TCF4: variants seen among roughly 807,000 people sequenced by gnomAD.
TCF4 encodes the protein transcription factor 4.
A neutral mutation model predicts 82.1 loss-of-function variants in TCF4; 3 were observed. The ratio of observed to expected loss-of-function variants is 0.04; its 90% CI spans 0.02 to 0.09. The LOEUF (loss-of-function observed/expected upper bound fraction) is 0.09, where lower values mean the gene tolerates loss of function less well. Ranked by LOEUF, TCF4 falls within the 10% of genes least tolerant of loss-of-function variation. TCF4 has a pLI of 1.00. For synonymous variants in TCF4, 276 were observed against 309.6 expected (o/e 0.89, Z 1.14); for missense variants, 518 against 852.7 (o/e 0.61, Z 4.89).
At position 55,387,816 on chromosome 18, in the gene TCF4, G is replaced by A. The variant is rs564521174; in HGVS notation, c.369+15638C>T. On this transcript the variant is annotated intron_variant, in intron 6 of 19. Coordinates refer to ENST00000354452, the MANE Select transcript of TCF4 (RefSeq NM_001083962.2). Reference sequence around the variant, plus strand: ...AGAAATTTCCTCAGGATGTGTTTCCGGCTGCTGCTGGCTATTACTTCATGG... The same window carrying A: ...AGAAATTTCCTCAGGATGTGTTTCCAGCTGCTGCTGGCTATTACTTCATGG... Among the ~76,000 whole-genome samples the A allele has an allele frequency of 1.9e-4, 29 of 152,286 alleles. 1 individual carries two copies. The highest frequency in any genetic ancestry group is 1.0e-3 in the South Asian group (5 of 4,830).
chr18:55,356,613 A>C (rs751568803), intron 6 of TCF4, among the ~76,000 whole-genome samples: 6 of 152,212 alleles, frequency 3.9e-5, no homozygotes, highest in Non-Finnish European at 8.8e-5. Context: ...AATTTCATAA[A>C]TCTTGTGATG....
intron 3 of TCF4, among the ~76,000 whole-genome samples, chr18:55,517,576 T>C (rs1417342513): frequency 6.6e-6 from 1 of 152,142 alleles, no homozygotes; most frequent in Non-Finnish European, 1.5e-5. Flanking sequence ...AAATATAAGC[T>C]AACAACATTT....
intron 5 of TCF4, among the ~76,000 whole-genome samples, chr18:55,456,521 C>T (rs1040891928): frequency 2.6e-5 from 4 of 152,132 alleles, no homozygotes; most frequent in Admixed American, 2.0e-4. Context: ...TTTTATGGGG[C>T]AACTTGCTCA....
intron 8 of TCF4, among the ~76,000 whole-genome samples, chr18:55,324,874 G>C (rs1333786813): frequency 1.3e-5 from 2 of 152,084 alleles, no homozygotes; most frequent in African/African-American, 4.8e-5. Flanking sequence ...AAACTGTCTA[G>C]AAGTGTTGAC....
chr18:55,535,602 G>A (rs1190867572), intron 3 of TCF4, among the ~76,000 whole-genome samples: 1 of 152,102 alleles, frequency 6.6e-6, no homozygotes, highest in Non-Finnish European at 1.5e-5. Context: ...TTGAGAAAAT[G>A]TGGCAATAAA....
intron 8 of TCF4, among the ~76,000 whole-genome samples, chr18:55,344,734 T>C (rs1043195050): frequency 7.2e-5 from 11 of 152,122 alleles, no homozygotes; most frequent in African/African-American, 2.7e-4. Context: ...CACCACTCCT[T>C]AGAAGAGATC....
At chr18:55,374,807 G>A (rs2090298582) in intron 6 of TCF4, among the ~76,000 whole-genome samples, 1 of 146,560 alleles carries the variant, frequency 6.8e-6, no homozygotes, top group African/African-American at 2.5e-5. Flanking sequence ...GGTAGAGACT[G>A]CAGTGAGCCA....
chr18:55,466,201 A>G (rs1220262993), intron 3 of TCF4, among the ~76,000 whole-genome samples: 3 of 152,174 alleles, frequency 2.0e-5, no homozygotes, highest in Admixed American at 1.3e-4. Flanking sequence ...TCTCCACAGT[A>G]AGAAATACCC....
At chr18:55,262,548 G>T (rs2058278777) in intron 11 of TCF4, among the ~76,000 whole-genome samples, 1 of 152,126 alleles carries the variant, frequency 6.6e-6, no homozygotes, top group African/African-American at 2.4e-5. Context: ...ATCACCCAAT[G>T]AATCCAAGCA....
At chr18:55,590,097 A>G (rs994145829), upstream of TCF4, among the ~76,000 whole-genome samples, 2 of 152,200 alleles carry the variant, frequency 1.3e-5, no homozygotes, top group Admixed American at 6.5e-5. Flanking sequence ...CTTTGACACA[A>G]AAGTGTAGTT....
chr18:55,515,589 A>G (rs1287970283), intron 3 of TCF4, among the ~76,000 whole-genome samples: 3 of 152,204 alleles, frequency 2.0e-5, no homozygotes, highest in Non-Finnish European at 2.9e-5. Flanking sequence ...GAGGTATAGA[A>G]GAAGGCTGTG....
chr18:55,401,530 T>C (rs2146435846), intron 6 of TCF4: 1 of 990,064 alleles, frequency 1.0e-6, no homozygotes, highest in African/African-American at 1.7e-5. Flanking sequence ...AGCCATCACA[T>C]GCCAATCCAT....
At chr18:55,591,910 C>T (rs2097685885), upstream of TCF4, among the ~76,000 whole-genome samples, 1 of 152,192 alleles carries the variant, frequency 6.6e-6, no homozygotes, top group African/African-American at 2.4e-5. Context: ...TTGCTAGTCT[C>T]GTTGCTTCTT....
At chr18:55,244,172 C>A (rs1393265078) in intron 15 of TCF4, among the ~76,000 whole-genome samples, 1 of 152,188 alleles carries the variant, frequency 6.6e-6, no homozygotes, top group Admixed American at 6.5e-5. Flanking sequence ...ACCTGACGTG[C>A]ACTGGCCTTT....
chr18:55,467,585 A>G (rs2096059673), intron 3 of TCF4, among the ~76,000 whole-genome samples: 4 of 152,220 alleles, frequency 2.6e-5, no homozygotes, highest in East Asian at 1.9e-4. Flanking sequence ...CTCTCACTCC[A>G]TATCTTAAAA....
chr18:55,293,891 T>TTCTCATTAAATGTA (rs2065728835), intron 8 of TCF4, among the ~76,000 whole-genome samples: 1 of 148,008 alleles, frequency 6.8e-6, no homozygotes, highest in Non-Finnish European at 1.5e-5. Flanking sequence ...ATGAGCTCAA[T>TTCTCATTAAATGTA]TTTCATTAAA....
intron 8 of TCF4, among the ~76,000 whole-genome samples, chr18:55,318,790 T>C (rs941558777): frequency 6.6e-6 from 1 of 152,166 alleles, no homozygotes; most frequent in Non-Finnish European, 1.5e-5. Flanking sequence ...TATCATTGAT[T>C]ATATTTCTGC....
chr18:55,566,636 C>G (rs1176565654), intron 3 of TCF4, among the ~76,000 whole-genome samples: 2 of 151,892 alleles, frequency 1.3e-5, no homozygotes, highest in African/African-American at 4.8e-5. Flanking sequence ...TTAGAGAAAC[C>G]TGAAGGGAGA....
intron 5 of TCF4, among the ~76,000 whole-genome samples, chr18:55,444,197 G>A (rs898853299): frequency 2.0e-5 from 3 of 152,202 alleles, no homozygotes; most frequent in East Asian, 1.9e-4. Context: ...GGAAGCCCTG[G>A]ATGTAAAGCA....
Sources: gnomAD v4.1 joint callset for allele counts (sites outside exome capture counted in the v4.1 genomes callset) on GRCh38, gnomAD v4.1.1 for gene constraint, MANE v1.5 for transcripts, NCBI Gene and HGNC (gene_info 2026-07-23, HGNC 2026-07-21) for gene names.